Variants in PCNX4 observed in about 807,000 individuals in gnomAD.
The protein encoded by PCNX4 is pecanex-like protein 4.
In PCNX4, 103 loss-of-function variants were observed where a neutral mutation model predicts 107.2. That is an observed-to-expected ratio of 0.96 (90% confidence interval 0.82 to 1.13). The LOEUF (loss-of-function observed/expected upper bound fraction) is 1.13. PCNX4 is among the 50% of genes most tolerant of loss of function. PCNX4 has a pLI of 0.00. For missense variants in PCNX4, 1,528 were observed against 1,379.4 expected (o/e 1.11, Z -1.71); for synonymous variants, 541 against 481.7 (o/e 1.12, Z -1.61).
chr14:60,116,763 G>A (rs1363286903), intron 6 of PCNX4, among the ~76,000 whole-genome samples: 1 of 152,088 alleles, frequency 6.6e-6, no homozygotes, highest in Non-Finnish European at 1.5e-5. Context: ...CCAGAAGAAG[G>A]CATTGTTATC....
chr14:60,127,098 T>G (rs1447416288), intron 10 of PCNX4, among the ~76,000 whole-genome samples: 1 of 152,150 alleles, frequency 6.6e-6, no homozygotes, highest in Admixed American at 6.5e-5. Flanking sequence ...GTAGACACAT[T>G]AAAGCCCAAA....
At chr14:60,111,818 C>T (rs1380768221) in intron 2 of PCNX4, among the ~76,000 whole-genome samples, 1 of 151,956 alleles carries the variant, frequency 6.6e-6, no homozygotes, top group Non-Finnish European at 1.5e-5. Context: ...TTATCTGTAA[C>T]TAAAAAGACA....
At chr14:60,098,792 G>T (rs909790263) in intron 1 of PCNX4, among the ~76,000 whole-genome samples, 3 of 151,974 alleles carry the variant, frequency 2.0e-5, no homozygotes, top group Non-Finnish European at 4.4e-5. Flanking sequence ...TACAAAATTA[G>T]CTGAGCGTGG....
intron 10 of PCNX4, among the ~76,000 whole-genome samples, chr14:60,131,563 CTAAA>C (rs1289608137): frequency 6.3e-4 from 96 of 152,272 alleles, no homozygotes; most frequent in African/African-American, 1.7e-3. Flanking sequence ...AGAAAACTAT[CTAAA>C]TAAATAAACA....
At chr14:60,114,087 G>A (rs1266230913) in intron 2 of PCNX4, among the ~76,000 whole-genome samples, 1 of 152,304 alleles carries the variant, frequency 6.6e-6, no homozygotes, top group East Asian at 1.9e-4. Context: ...TTAAGCTGCA[G>A]AGATACAGTC....
In PCNX4 at chr14:60,115,413, A is replaced by C; in HGVS notation, c.1309A>C (p.Thr437Pro). The change falls in exon 4 of 11, where the codon ACT becomes CCT. Residue 437 changes from threonine (T) to proline (P), a missense_variant. Thr to Pro is a conservative substitution (Grantham distance 38). Transcript: ENST00000406854. The part of the protein sequence containing the change: ...QTVTVFFEKQ[T>P]RLMKIGIVRR... Reference sequence around the variant, plus strand: ...TGTGACTGTATTCTTTGAGAAGCAAACTAGGCTCATGAAGATTGGTATTGT... The same window carrying C: ...TGTGACTGTATTCTTTGAGAAGCAACCTAGGCTCATGAAGATTGGTATTGT... 6.4e-7 allele frequency: 1 copy of C among 1,560,320 alleles called. No homozygotes were observed. The highest frequency in any genetic ancestry group is 8.7e-7 in the Non-Finnish European group (1 of 1,155,942).
chr14:60,129,999 T>G (rs551817181), intron 10 of PCNX4, among the ~76,000 whole-genome samples: 1 of 152,262 alleles, frequency 6.6e-6, no homozygotes, highest in Non-Finnish European at 1.5e-5. Flanking sequence ...TTCAGCTATT[T>G]CAGTAATAAA....
chr14:60,147,040 C>T lies in PCNX4; in HGVS notation c.*12819C>T, dbSNP rs1896423651. ...CTGAGCCCAGGAGTTTGAGACTAGC[C>T]TGGGCAACGTGGCAAAAACCCGTCT... On this transcript the variant is annotated 3_prime_UTR_variant, in exon 11 of 11. Transcript: ENST00000406854. 1 of 152,190 alleles carries T rather than the reference C, an allele frequency of 6.6e-6. No homozygotes were observed. The highest frequency in any genetic ancestry group is 2.4e-5 in the African/African-American group (1 of 41,408). The allele number at this position is 152,190 out of a possible 1,614,324, so 9.4% of individuals were successfully genotyped here.
At chr14:60,106,803 T>C (rs989825252) in intron 1 of PCNX4, among the ~76,000 whole-genome samples, 1 of 152,202 alleles carries the variant, frequency 6.6e-6, no homozygotes, top group African/African-American at 2.4e-5. Flanking sequence ...ATTTTTCCTT[T>C]CTAGCCTAAC....
intron 1 of PCNX4, among the ~76,000 whole-genome samples, chr14:60,093,333 TCAG>T (rs1246136721): frequency 5.9e-5 from 9 of 152,278 alleles, no homozygotes; most frequent in African/African-American, 2.2e-4. Context: ...CCTTTTACCC[TCAG>T]CAGTCACCAC....
Position 60,135,309 on chromosome 14 carries a change from T to C in PCNX4, c.*1088T>C, listed in dbSNP as rs527687739. Reference sequence around the variant, plus strand: ...TTATTTAGTATGTGGACGAGTTCACTCTAACAATGTTAAAGGATAAACTTT... The same window carrying C: ...TTATTTAGTATGTGGACGAGTTCACCCTAACAATGTTAAAGGATAAACTTT... On this transcript the variant is annotated 3_prime_UTR_variant, in exon 11 of 11. Transcript: ENST00000406854. The C allele has an allele frequency of 6.6e-6, 1 of 152,350 alleles. No homozygotes were observed. Among genetic ancestry groups the C allele is most frequent in the Non-Finnish European group, 1.5e-5 (1 of 68,032 alleles). The allele number at this position is 152,350 out of a possible 1,614,324, so 9.4% of individuals were successfully genotyped here.
chr14:60,114,568 CT>C (rs1389429597), intron 2 of PCNX4, 131 bp from the exon 3 acceptor site: 4 of 696,218 alleles, frequency 5.7e-6, no homozygotes, highest in Non-Finnish European at 2.3e-6. Context: ...GGGACTAAGA[CT>C]TTTCTGTGGT....
At chr14:60,114,589 T>TA in intron 2 of PCNX4, 111 bp from the exon 3 acceptor site, 1 of 603,578 alleles carries the variant, frequency 1.7e-6, no homozygotes, top group Non-Finnish European at 2.7e-6. Flanking sequence ...TGTGTGTGTG[T>TA]GGTTTTTTTT....
rs1457470011 is a variant in PCNX4, at chr14:60,142,825, A to T, written c.*8604A>T. On this transcript the variant is annotated 3_prime_UTR_variant, in exon 11 of 11. Transcript: ENST00000406854. The surrounding 1 kb of genome is among the most constrained non-coding windows in gnomAD (Gnocchi z 4.7). ...CTAAAAATACAAAACTTAGCCGGGC[A>T]TGGTGGTGCACACCTGTAGTCCCAG... 1 of 152,224 alleles carries T rather than the reference A, an allele frequency of 6.6e-6. No homozygotes were observed. The highest frequency in any genetic ancestry group is 1.9e-4 in the East Asian group (1 of 5,182). The allele number at this position is 152,224 out of a possible 1,614,324, so 9.4% of individuals were successfully genotyped here.
chr14:60,095,058 C>G (rs918125191), intron 1 of PCNX4, among the ~76,000 whole-genome samples: 1 of 152,060 alleles, frequency 6.6e-6, no homozygotes, highest in Non-Finnish European at 1.5e-5. Flanking sequence ...AAGTCTCAAT[C>G]ATTTTAGGAG....
intron 1 of PCNX4, among the ~76,000 whole-genome samples, chr14:60,096,263 A>G (rs1048874998): frequency 6.6e-6 from 1 of 152,192 alleles, no homozygotes; most frequent in Non-Finnish European, 1.5e-5. Context: ...CCGTGAGTCT[A>G]TGTAAAGCCA....
intron 2 of PCNX4, among the ~76,000 whole-genome samples, chr14:60,112,642 A>T (rs1895760489): frequency 6.6e-6 from 1 of 152,194 alleles, no homozygotes; most frequent in Non-Finnish European, 1.5e-5. Context: ...TTTTATGAGC[A>T]TACATTATTT....
rs1477623046 is a variant in PCNX4, at chr14:60,140,900, C to A, written c.*6679C>A. The A allele has an allele frequency of 6.6e-6, 1 of 152,022 alleles. No homozygotes were observed. Among genetic ancestry groups the A allele is most frequent in the African/African-American group, 2.4e-5 (1 of 41,346 alleles). The allele number at this position is 152,022 out of a possible 1,614,324, so 9.4% of individuals were successfully genotyped here. A position where few individuals can be genotyped will look rare whatever the true frequency, so the allele number is the denominator to read the frequency against. On this transcript the variant is annotated 3_prime_UTR_variant, in exon 11 of 11. Transcript: ENST00000406854. This position sits in a 1 kb window ranked among gnomAD's most constrained non-coding sequence, Gnocchi z 4.2. Reference sequence around the variant, plus strand: ...TTATTACTCAGGGTAAACAAGTGCACCTGCCCACCTTTGCACTCGTCCATA... The same window carrying A: ...TTATTACTCAGGGTAAACAAGTGCAACTGCCCACCTTTGCACTCGTCCATA...
intron 1 of PCNX4, among the ~76,000 whole-genome samples, chr14:60,096,288 A>G (rs1215784176): frequency 1.3e-5 from 2 of 152,196 alleles, no homozygotes; most frequent in Non-Finnish European, 2.9e-5. Context: ...GTTTTGCAGC[A>G]CAGCTTTCCT....
Sources: allele counts gnomAD v4.1 joint callset (sites outside exome capture counted in the v4.1 genomes callset), GRCh38; gene constraint gnomAD v4.1.1; non-coding constraint Gnocchi (gnomAD v3.1); transcripts MANE v1.5; gene names NCBI Gene and HGNC (gene_info 2026-07-23, HGNC 2026-07-21).